Variants in FRRS1 observed in about 807,000 individuals in gnomAD.
FRRS1 encodes ferric chelate reductase 1, also known as ferric reductase 1.
A neutral mutation model predicts 70.7 loss-of-function variants in FRRS1; 51 were observed. The observed-to-expected ratio is 0.72, with a 90% confidence interval of 0.58 to 0.91. FRRS1 has a LOEUF of 0.91. Ranked by LOEUF, FRRS1 falls within the 40% of genes least tolerant of loss-of-function variation. FRRS1 has a pLI of 0.00. For synonymous variants in FRRS1, 225 were observed against 238.7 expected (o/e 0.94, Z 0.53); for missense variants, 672 against 726.0 (o/e 0.93, Z 0.86).
At chr1:99,710,755 A>T in intron 15 of FRRS1, 51 bp downstream of exon 15, 2 of 1,535,180 alleles carry the variant, frequency 1.3e-6, no homozygotes, top group Middle Eastern at 3.4e-4. Flanking sequence ...TTCTTTTCCA[A>T]TGGTTTGTAT....
intron 7 of FRRS1, among the ~76,000 whole-genome samples, 171 bp from the exon 8 acceptor site, chr1:99,729,919 G>C (rs537029689): frequency 6.6e-6 from 1 of 152,098 alleles, no homozygotes; most frequent in Non-Finnish European, 1.5e-5. Flanking sequence ...TCTGATTTGC[G>C]AATAGCAAAT....
At chr1:99,741,273 G>A (rs1164272508) in intron 5 of FRRS1, among the ~76,000 whole-genome samples, 1 of 152,208 alleles carries the variant, frequency 6.6e-6, no homozygotes, top group Admixed American at 6.5e-5. Context: ...TCATTTCAGA[G>A]TGCAGTATTC....
chr1:99,733,104 C>G (rs1156539041), intron 7 of FRRS1, among the ~76,000 whole-genome samples: 3 of 152,140 alleles, frequency 2.0e-5, no homozygotes, highest in Admixed American at 6.5e-5. Flanking sequence ...CCACCACAGA[C>G]TCCCAAAGTG....
At chr1:99,762,566 C>G (rs1657162977) in intron 1 of FRRS1, among the ~76,000 whole-genome samples, 1 of 148,860 alleles carries the variant, frequency 6.7e-6, no homozygotes, top group South Asian at 2.1e-4. Flanking sequence ...TTAAATCTTT[C>G]AATTGCTCCA....
At chr1:99,759,761 C>T (rs2788517) in intron 1 of FRRS1, among the ~76,000 whole-genome samples, 67,910 of 152,018 alleles carry the variant, frequency 0.45, 17,425 homozygotes, top group African/African-American at 0.7. Context: ...AGTGATGACC[C>T]GGCAGTTAGA....
At chr1:99,763,859 A>G (rs2101010625) in intron 1 of FRRS1, among the ~76,000 whole-genome samples, 1 of 135,408 alleles carries the variant, frequency 7.4e-6, no homozygotes, top group East Asian at 2.0e-4. Flanking sequence ...CAAGAGTGAA[A>G]CTCTGTCTCA....
chr1:99,738,243 T>C lies in FRRS1; in HGVS notation c.602A>G (p.Lys201Arg), dbSNP rs1205425055. 21 of 1,605,976 alleles carry C rather than the reference T, an allele frequency of 1.3e-5. No individual in the cohort carries two copies. Among genetic ancestry groups the C allele is most frequent in the East Asian group, 2.2e-5 (1 of 44,636 alleles). ...CAAAGGACTCCTAATACAGAACTTC[T>C]TGTTCCCACAATCTGAGGCACTGAA... ...KPFSASDCGN[K>R]KFCIRSPLNC... Residue 201 changes from lysine to arginine, a missense_variant, in exon 7 of 17, where the codon AAG (lysine) becomes AGG (arginine). Lys to Arg is a conservative substitution (Grantham distance 26). Coordinates refer to ENST00000646001, the MANE Select transcript of FRRS1 (RefSeq NM_001361041.2).
rs1050199996 is a variant in FRRS1, at chr1:99,717,435, A to C, written c.1211T>G (p.Leu404Trp). Residue 404 changes from leucine to tryptophan, a missense_variant, in exon 11 of 17, where the codon TTG becomes TGG. Transcript: ENST00000646001. Reference protein sequence around the residue: ...FFKPVWSKAFLLGEAAWFQVH... With the variant: ...FFKPVWSKAFWLGEAAWFQVH... The stretch of plus-strand genomic sequence containing the variant: ...CTGAAACCAAGCTGCTTCACCAAGC[A>C]AGAAAGCTTTTGACCAAACTGGCTT... 6.2e-7 allele frequency: 1 copy of C among 1,614,074 alleles called. No individual in the cohort carries two copies. The highest frequency in any genetic ancestry group is 1.6e-4 in the Middle Eastern group (1 of 6,062).
intron 9 of FRRS1, among the ~76,000 whole-genome samples, chr1:99,722,578 A>G (rs1395599263): frequency 6.6e-6 from 1 of 152,210 alleles, no homozygotes; most frequent in African/African-American, 2.4e-5. Flanking sequence ...ACTGTCCAGA[A>G]ATCTATTAAA....
intron 7 of FRRS1, among the ~76,000 whole-genome samples, chr1:99,735,861 G>C (rs925758905): frequency 1.3e-5 from 2 of 152,236 alleles, no homozygotes; most frequent in South Asian, 4.1e-4. Flanking sequence ...CTTGCTTACA[G>C]GTTTTACGTA....
intron 9 of FRRS1, among the ~76,000 whole-genome samples, chr1:99,721,948 A>G (rs1654852388): frequency 6.6e-6 from 1 of 152,038 alleles, no homozygotes; most frequent in Non-Finnish European, 1.5e-5. Flanking sequence ...CCAGACCGTT[A>G]TATGGGTGAG....
At position 99,750,752 on chromosome 1, in the gene FRRS1, G is replaced by A. The variant is rs140030801; in HGVS notation, c.-105-1751C>T. Among the ~76,000 whole-genome samples the A allele has an allele frequency of 5.7e-3, 858 of 151,652 alleles. 9 individuals are homozygous for A. The Middle Eastern group carries it at 0.093, about 16-fold the overall frequency. The stretch of plus-strand genomic sequence containing the variant: ...CAAAAGGTACAACAAATGTGGAATC[G>A]GAATTCCAGAAGGAGAAGAGGGAAG... On this transcript the variant is annotated intron_variant, in intron 1 of 16. Transcript: ENST00000646001.
At chr1:99,756,181 T>A (rs938133303) in intron 1 of FRRS1, among the ~76,000 whole-genome samples, 1 of 152,188 alleles carries the variant, frequency 6.6e-6, no homozygotes, top group Admixed American at 6.5e-5. Flanking sequence ...TATGCATGAT[T>A]TTCTTAAATT....
chr1:99,738,059 C>T, intron 7 of FRRS1, 27 bp downstream of exon 7: 1 of 1,562,726 alleles, frequency 6.4e-7, no homozygotes, highest in East Asian at 2.3e-5. Flanking sequence ...CCTTTTGTTA[C>T]CACTTATGTA....
intron 8 of FRRS1, among the ~76,000 whole-genome samples, chr1:99,728,911 T>G (rs1311655675): frequency 6.6e-6 from 1 of 152,250 alleles, no homozygotes; most frequent in Non-Finnish European, 1.5e-5. Flanking sequence ...GGTTAGAAAT[T>G]TTAACAGATG....
intron 6 of FRRS1, among the ~76,000 whole-genome samples, chr1:99,740,128 G>T (rs1037783575): frequency 8.6e-5 from 13 of 152,040 alleles, no homozygotes; most frequent in Non-Finnish European, 2.9e-5. Context: ...AGATCTAAGA[G>T]TTATTATCAC....
At chr1:99,752,083 T>C (rs548843564) in intron 1 of FRRS1, among the ~76,000 whole-genome samples, 1 of 152,292 alleles carries the variant, frequency 6.6e-6, no homozygotes, top group South Asian at 2.1e-4. Flanking sequence ...GGATTAGACT[T>C]TGGCTTAAGG....
At chr1:99,709,818 C>A (rs1654187254) in intron 15 of FRRS1, among the ~76,000 whole-genome samples, 1 of 151,982 alleles carries the variant, frequency 6.6e-6, no homozygotes, top group Non-Finnish European at 1.5e-5. Flanking sequence ...AATTTAAAAA[C>A]TTAGCTGGGT....
intron 4 of FRRS1, among the ~76,000 whole-genome samples, chr1:99,746,494 G>A (rs573728927): frequency 1.3e-5 from 2 of 152,216 alleles, no homozygotes; most frequent in African/African-American, 4.8e-5. Context: ...AAGAGACTGT[G>A]AATATGGAAA....
Sources: gnomAD v4.1 joint callset for allele counts (sites outside exome capture counted in the v4.1 genomes callset) on GRCh38, gnomAD v4.1.1 for gene constraint, MANE v1.5 for transcripts, NCBI Gene and HGNC (gene_info 2026-07-23, HGNC 2026-07-21) for gene names.